The following LTBP1 variants were observed in gnomAD, a reference collection of about 807,000 sequenced individuals.
The protein encoded by LTBP1 is latent-transforming growth factor beta-binding protein 1.
Under a neutral mutation model 207.6 loss-of-function variants are expected in LTBP1, and 129 were observed. The ratio of observed to expected loss-of-function variants is 0.62; its 90% CI spans 0.54 to 0.72. LTBP1 has a LOEUF of 0.72. Among genes scored for constraint, LTBP1 ranks in the 30% least tolerant of loss-of-function variants. The pLI, the probability that LTBP1 is intolerant of heterozygous loss-of-function variation, is 0.00. For synonymous variants in LTBP1, 963 were observed against 833.7 expected, an observed-to-expected ratio of 1.16 and a Z score of -2.67; for missense variants, 2,281 against 2,217.2, an observed-to-expected ratio of 1.03 and a Z score of -0.58.
intron 3 of LTBP1, among the ~76,000 whole-genome samples, chr2:33,062,261 C>T (rs539460930): frequency 2.0e-5 from 3 of 151,892 alleles, no homozygotes; most frequent in South Asian, 4.1e-4. Flanking sequence ...TTTCCTCTTA[C>T]TGTGTTAGTT....
chr2:33,162,203 T>G (rs1221146135), intron 5 of LTBP1, among the ~76,000 whole-genome samples: 1 of 152,216 alleles, frequency 6.6e-6, no homozygotes, highest in East Asian at 1.9e-4. Context: ...TTTTTAAAAT[T>G]TTGCATGTTT....
intron 24 of LTBP1, among the ~76,000 whole-genome samples, chr2:33,322,159 C>T (rs146025716): frequency 1.3e-5 from 2 of 151,486 alleles, no homozygotes; most frequent in East Asian, 1.9e-4. Context: ...TCACTGCTGA[C>T]CTTTTCAAAC....
chr2:33,198,033 C>G (rs1489255433), intron 7 of LTBP1, among the ~76,000 whole-genome samples: 1 of 152,162 alleles, frequency 6.6e-6, no homozygotes, highest in Non-Finnish European at 1.5e-5. Flanking sequence ...GTACAGCACT[C>G]TAACACAGAT....
rs1574128025 is a variant in LTBP1, at chr2:33,389,194, T to C, written c.4722T>C (p.Ala1574=). 1.2e-6 allele frequency: 2 copies of C among 1,614,112 alleles called. No individual in the cohort carries two copies. Among genetic ancestry groups the C allele is most frequent in the African/African-American group, 1.3e-5 (1 of 75,004 alleles). The change falls in exon 32 of 34, where the codon GCT becomes GCC. Residue 1574 remains alanine, a synonymous_variant. Coordinates refer to ENST00000404816, the MANE Select transcript of LTBP1 (RefSeq NM_206943.4). ...LCPLKDSDDY[A]QLCNIPVTGR... ...TTGTCTACTCCTTAGATGACTATGC[T>C]CAGCTGTGTAACATCCCCGTGACGG...
chr2:33,154,244 A>C (rs2147908471), intron 5 of LTBP1, among the ~76,000 whole-genome samples: 1 of 152,350 alleles, frequency 6.6e-6, no homozygotes, highest in South Asian at 2.1e-4. Flanking sequence ...TCTTTAAAAA[A>C]ATGGAATTAG....
intron 2 of LTBP1, among the ~76,000 whole-genome samples, chr2:32,998,512 TAAAAAAAAAAAAAA>T (rs769287082): frequency 3.4e-5 from 1 of 29,236 alleles, no homozygotes; most frequent in Non-Finnish European, 7.4e-5. Flanking sequence ...GACTCCATCT[TAAAAAAAAAAAAAA>T]AAAAAAAAAA....
At chr2:32,975,800 G>A (rs1316237317) in intron 2 of LTBP1, among the ~76,000 whole-genome samples, 1 of 151,752 alleles carries the variant, frequency 6.6e-6, no homozygotes, top group African/African-American at 2.4e-5. Context: ...TGGCTTCTGT[G>A]TTATTTTATT....
chr2:33,280,018 C>A, intron 18 of LTBP1, 21 bp from the exon 19 acceptor site: 1 of 1,612,574 alleles, frequency 6.2e-7, no homozygotes, highest in South Asian at 1.1e-5. Context: ...ATGTTCACGA[C>A]CTAGGTTTTT....
intron 31 of LTBP1, among the ~76,000 whole-genome samples, chr2:33,370,225 T>G (rs1296626670): frequency 2.0e-5 from 3 of 152,222 alleles, no homozygotes; most frequent in African/African-American, 7.2e-5. Context: ...CAAATGCATT[T>G]TCAAATGTAA....
chr2:33,397,938 C>G (rs1055151492), intron 33 of LTBP1, among the ~76,000 whole-genome samples: 36 of 151,972 alleles, frequency 2.4e-4, no homozygotes, highest in Non-Finnish European at 3.7e-4. Context: ...TGAGTGAGAG[C>G]CTAAATGGGT....
intron 4 of LTBP1, among the ~76,000 whole-genome samples, chr2:33,118,769 CCTG>C (rs1558660054): frequency 6.6e-6 from 1 of 152,004 alleles, no homozygotes; most frequent in African/African-American, 2.4e-5. Flanking sequence ...TGCACGTTAT[CCTG>C]GGTTAGGGCG....
In LTBP1 at chr2:33,273,923, C is replaced by G. The variant is rs116306748; in HGVS notation, c.2743+142C>G. The G allele has an allele frequency of 1.8e-3, 1,041 of 575,152 alleles. 11 individuals carry two copies. In the African/African-American group the frequency reaches 0.019, roughly 10 times the overall value. The allele number at this position is 575,152 out of a possible 1,614,324, so 35.6% of individuals were successfully genotyped here. On this transcript the variant is annotated intron_variant, in intron 16 of 33. Coordinates refer to ENST00000404816, the MANE Select transcript of LTBP1 (RefSeq NM_206943.4). ...AAAGTTTATCCCTTAGCTAAGGGAG[C>G]TCAAAAAAAGGTTTGCTAAACAACT...
intron 24 of LTBP1, among the ~76,000 whole-genome samples, chr2:33,324,771 G>A (rs1006960812): frequency 4.9e-5 from 7 of 143,164 alleles, no homozygotes; most frequent in Admixed American, 1.4e-4. Context: ...GCGTGATCTC[G>A]GCTCACTGCA....
chr2:33,023,404 G>A (rs998968944), intron 3 of LTBP1, among the ~76,000 whole-genome samples: 1 of 152,128 alleles, frequency 6.6e-6, no homozygotes, highest in South Asian at 2.1e-4. Context: ...GGTAGCCGCG[G>A]TGTACTTTAG....
chr2:32,988,944 C>G (rs1192897965), intron 2 of LTBP1, among the ~76,000 whole-genome samples: 1 of 150,362 alleles, frequency 6.7e-6, no homozygotes, highest in East Asian at 2.0e-4. Context: ...CTTTTTTTTT[C>G]TATTTCTCAG....
Position 33,120,306 on chromosome 2 carries a change from G to A in LTBP1, c.1033+9555G>A, listed in dbSNP as rs141099644. On this transcript the variant is annotated intron_variant, in intron 4 of 33. Transcript: ENST00000404816. ...TCACCCAGGTATTAAGCCCAGTACC[G>A]TAGTTATCTTTTCTGCCCTTCTCCC... Among the ~76,000 whole-genome samples the A allele has an allele frequency of 8.1e-3, 1,237 of 152,222 alleles. 11 individuals carry two copies. Among genetic ancestry groups the A allele is most frequent in the East Asian group, 0.016 (81 of 5,174 alleles).
At chr2:33,267,651 C>T (rs144181391) in intron 15 of LTBP1, among the ~76,000 whole-genome samples, 17 of 152,296 alleles carry the variant, frequency 1.1e-4, no homozygotes, top group African/African-American at 3.9e-4. Context: ...TTTACTAGTT[C>T]TTTCAAAATA....
chr2:33,047,376 G>T (rs2076502271), intron 3 of LTBP1, among the ~76,000 whole-genome samples: 1 of 152,164 alleles, frequency 6.6e-6, no homozygotes, highest in South Asian at 2.1e-4. Flanking sequence ...TATGTACCCG[G>T]TAGTCAATTC....
At chr2:33,365,549 G>A (rs759804068) in intron 31 of LTBP1, 46 bp downstream of exon 31, 31 of 1,579,110 alleles carry the variant, frequency 2.0e-5, no homozygotes, top group South Asian at 9.1e-5. Context: ...TTGGGGACAA[G>A]TTCATCTCAC....
Sources: gnomAD v4.1 joint callset for allele counts (sites outside exome capture counted in the v4.1 genomes callset) on GRCh38, gnomAD v4.1.1 for gene constraint, MANE v1.5 for transcripts, NCBI Gene and HGNC (gene_info 2026-07-23, HGNC 2026-07-21) for gene names.